TTN: variants seen among roughly 807,000 people sequenced by gnomAD.
TTN encodes titin, also known as connectin.
Under a neutral mutation model 3,223.0 loss-of-function variants are expected in TTN, and 1,525 were observed. That is an observed-to-expected ratio of 0.47 (90% CI 0.45 to 0.49). The LOEUF (loss-of-function observed/expected upper bound fraction) is 0.49. Ranked by LOEUF, TTN falls within the 20% of genes least tolerant of loss-of-function variation. The pLI is 0.00. For synonymous variants in TTN, 14,094 were observed against 15,161.0 expected (o/e 0.93, Z 5.17); for missense variants, 40,786 against 43,424.0 (o/e 0.94, Z 5.40).
In TTN at chr2:178,558,249, A is replaced by G; in HGVS notation, c.87119-14T>C. 2 of 1,596,822 alleles carry G rather than the reference A, an allele frequency of 1.3e-6. No homozygotes were observed. Among genetic ancestry groups the G allele is most frequent in the Non-Finnish European group, 1.7e-6 (2 of 1,175,348 alleles). ...TTTCAGGTGGTTCTGAAAAATGAGTATAGAAAGTGAAAGTGAAAAAGTGTT... is the reference window on the plus strand; with the variant it reads ...TTTCAGGTGGTTCTGAAAAATGAGTGTAGAAAGTGAAAGTGAAAAAGTGTT... On this transcript the variant is annotated splice_polypyrimidine_tract_variant and intron_variant, in intron 327 of 362. Coordinates refer to ENST00000589042, the MANE Select transcript of TTN (RefSeq NM_001267550.2).
In TTN at chr2:178,609,423, C is replaced by T. The variant is rs200456782; in HGVS notation, c.51887G>A (p.Arg17296His). Reference sequence around the variant, plus strand: ...CCTTCTCCTAACCAAGGGTGCTGCACGCTTCTTAATTTCCTCTGGTACAAT... The same window carrying T: ...CCTTCTCCTAACCAAGGGTGCTGCATGCTTCTTAATTTCCTCTGGTACAAT... ...NVIVPEEIKKRAAPLVRRRKG... is the reference protein window; with the variant it reads ...NVIVPEEIKKHAAPLVRRRKG... Residue 17296 changes from arginine (R) to histidine (H), a missense_variant, in exon 273 of 363, where the codon CGT becomes CAT. By Grantham distance (29) the Arg-to-His change is conservative. Transcript: ENST00000589042. The T allele has an allele frequency of 1.8e-4, 291 of 1,612,094 alleles. No homozygotes were observed. The highest frequency in any genetic ancestry group is 7.6e-4 in the East Asian group (34 of 44,562).
At position 178,599,310 on chromosome 2, in the gene TTN, T is replaced by G. The variant is rs71423569; in HGVS notation, c.56483A>C (p.Asn18828Thr). 1 of 1,609,928 alleles carries G rather than the reference T, an allele frequency of 6.2e-7. No individual in the cohort carries two copies. The change falls in exon 290 of 363, where the codon AAC (asparagine) becomes ACC (threonine). Residue 18828 changes from asparagine (N) to threonine (T), a missense_variant. Transcript: ENST00000589042. ...TNYVIEKREA[N>T]RKTWVHVSSE... ...GGAGACATGGACCCATGTCTTCCTGTTAGCTTCTCTTTTCTCAATTACATA... is the reference window on the plus strand; with the variant it reads ...GGAGACATGGACCCATGTCTTCCTGGTAGCTTCTCTTTTCTCAATTACATA...
intron 354 of TTN, 182 bp from the exon 355 acceptor site, chr2:178,538,099 A>G (rs1017533613): frequency 6.3e-5 from 39 of 616,384 alleles, no homozygotes; most frequent in Non-Finnish European, 9.4e-5. Flanking sequence ...TAGGGATTCA[A>G]TGAGCACATC....
Position 178,551,642 on chromosome 2 carries a change from C to A in TTN, c.91258G>T (p.Val30420Phe). 2 of 1,582,652 alleles carry A rather than the reference C, an allele frequency of 1.3e-6. No individual in the cohort carries two copies. The highest frequency in any genetic ancestry group is 1.7e-6 in the Non-Finnish European group (2 of 1,164,102). The change falls in exon 335 of 363, where the codon GTT becomes TTT. Residue 30420 changes from valine to phenylalanine, a missense_variant. Coordinates refer to ENST00000589042, the MANE Select transcript of TTN (RefSeq NM_001267550.2). ...PSDPSKFTLAVSPVDPPGTPD... is the reference protein window; with the variant it reads ...PSDPSKFTLAFSPVDPPGTPD... The stretch of plus-strand genomic sequence containing the variant: ...AATAATCACTTACCTACTGGAGAAA[C>A]AGCTAAGGTAAATTTGCTTGGGTCA...
intron 241 of TTN, among the ~76,000 whole-genome samples, chr2:178,625,065 G>C (rs1173552314): frequency 6.6e-6 from 1 of 151,898 alleles, no homozygotes; most frequent in African/African-American, 2.4e-5. Flanking sequence ...GAGATGGAAG[G>C]AGGAAGTAAA....
At position 178,571,694 on chromosome 2, in the gene TTN, G is replaced by A; in HGVS notation, c.74438C>T (p.Thr24813Ile). Residue 24813 changes from threonine (T) to isoleucine (I), a missense_variant, in exon 326 of 363, where the codon ACT becomes ATT. Thr to Ile is a moderately conservative substitution (Grantham distance 89). Transcript: ENST00000589042. ...CACTTCATCCATTTTAACTGGTCCA[G>A]TTGGAGGCCCTGGTTTGTCAAGAAC... is the stretch of plus-strand genomic sequence containing the variant. ...VIVLDKPGPP[T>I]GPVKMDEVTA... 1 of 1,613,498 alleles carries A rather than the reference G, an allele frequency of 6.2e-7. No homozygotes were observed. Among genetic ancestry groups the A allele is most frequent in the Non-Finnish European group, 8.5e-7 (1 of 1,179,612 alleles).
At position 178,585,094 on chromosome 2, in the gene TTN, C is replaced by G; in HGVS notation, c.64650G>C (p.Gln21550His). 6.2e-7 allele frequency: 1 copy of G among 1,605,600 alleles called. No individual in the cohort carries two copies. Among genetic ancestry groups the G allele is most frequent in the Non-Finnish European group, 8.5e-7 (1 of 1,175,812 alleles). The part of the protein sequence containing the change: ...TAENSSGTDT[Q>H]KIKVVVMDAP... Reference sequence around the variant, plus strand: ...TACCCATGACTACAACTTTGATTTTCTGAGTGTCTGTCCCAGAACTGTTCT... The same window carrying G: ...TACCCATGACTACAACTTTGATTTTGTGAGTGTCTGTCCCAGAACTGTTCT... The change falls in exon 309 of 363, where the codon CAG becomes CAC. Residue 21550 changes from glutamine to histidine, a missense_variant. Gln to His is a conservative substitution (Grantham distance 24, BLOSUM62 0). Coordinates refer to ENST00000589042, the MANE Select transcript of TTN (RefSeq NM_001267550.2).
chr2:178,617,923 T>G lies in TTN; in HGVS notation c.47428A>C (p.Thr15810Pro). The G allele has an allele frequency of 1.2e-6, 2 of 1,612,708 alleles. No homozygotes were observed. Among genetic ancestry groups the G allele is most frequent in the South Asian group, 2.2e-5 (2 of 91,058 alleles). The change falls in exon 253 of 363, where the codon ACT becomes CCT. Residue 15810 changes from threonine (T) to proline (P), a missense_variant. By Grantham distance (38) the Thr-to-Pro change is conservative. Transcript: ENST00000589042. ...GCAGACAGGTCTTCAGCTCTCACAG[T>G]CATGGCAGTATCCCACCTGATAGAA... ...KTSIRWDTAM[T>P]VRAEDLSATV... is the part of the protein sequence containing the mutation.
chr2:178,554,485 T>G lies in TTN; in HGVS notation c.88862A>C (p.Glu29621Ala). ...VNKYGIGEPL[E>A]SDSVVAKNAF... The stretch of plus-strand genomic sequence containing the variant: ...GTTCTTGGCTACAACGGAATCAGAT[T>G]CCAGTGGCTCGCCAATTCCATATTT... Residue 29621 changes from glutamate to alanine, a missense_variant, in exon 332 of 363, where the codon GAA becomes GCA. Coordinates refer to ENST00000589042, the MANE Select transcript of TTN (RefSeq NM_001267550.2). The G allele has an allele frequency of 6.2e-7, 1 of 1,613,552 alleles. No individual in the cohort carries two copies. Among genetic ancestry groups the G allele is most frequent in the African/African-American group, 1.3e-5 (1 of 75,048 alleles).
chr2:178,584,340 T>C lies in TTN; in HGVS notation c.65211A>G (p.Leu21737=). ...GLEYSFRIYA[L]NKAGSSPPSK... ...TGGGTGGGCTGGATCCAGCTTTGTT[T>C]AGGGCATAGATTCTGAATGAATACT... Residue 21737 remains leucine (L), a synonymous_variant, in exon 311 of 363, where the codon CTA becomes CTG. Coordinates refer to ENST00000589042, the MANE Select transcript of TTN (RefSeq NM_001267550.2). 2 of 1,610,006 alleles carry C rather than the reference T, an allele frequency of 1.2e-6. No individual in the cohort carries two copies. Among genetic ancestry groups the C allele is most frequent in the Non-Finnish European group, 1.7e-6 (2 of 1,176,898 alleles).
chr2:178,566,585 C>T lies in TTN; in HGVS notation c.79547G>A (p.Gly26516Asp). The change falls in exon 326 of 363, where the codon GGC becomes GAC. Residue 26516 changes from glycine (G) to aspartate (D), a missense_variant. Transcript: ENST00000589042. ...TACTACATATCCCAAGATCTCACTGCCGCCATCATAGATGGGTTTACCCCA... is the reference window on the plus strand; with the variant it reads ...TACTACATATCCCAAGATCTCACTGTCGCCATCATAGATGGGTTTACCCCA... ...LAWGKPIYDG[G>D]SEILGYVVEI... is the part of the protein sequence containing the mutation. 6.2e-7 allele frequency: 1 copy of T among 1,612,680 alleles called. No homozygotes were observed. Among genetic ancestry groups the T allele is most frequent in the Non-Finnish European group, 8.5e-7 (1 of 1,179,670 alleles).
chr2:178,724,796 T>C, intron 71 of TTN: 1 of 324,252 alleles, frequency 3.1e-6, no homozygotes, highest in Non-Finnish European at 5.5e-6. Flanking sequence ...TAGCAATTAT[T>C]CTTAAGAAAT....
rs1456264938 is a variant in TTN, at chr2:178,777,952, C to G, written c.4232G>C (p.Ser1411Thr). ...RIRSLSPRSVSRSPIRMSPAR... is the reference protein window; with the variant it reads ...RIRSLSPRSVTRSPIRMSPAR... ...AGGAGACATGCGTATAGGAGACCTG[C>G]TCACTGAACGTGGAGAGAGAGATCT... The change falls in exon 25 of 363, where the codon AGC (serine) becomes ACC (threonine). Residue 1411 changes from serine to threonine, a missense_variant. Transcript: ENST00000589042. 1 of 1,613,792 alleles carries G rather than the reference C, an allele frequency of 6.2e-7. No individual in the cohort carries two copies. The highest frequency in any genetic ancestry group is 8.5e-7 in the Non-Finnish European group (1 of 1,179,916).
rs771585130 is a variant in TTN, at chr2:178,543,327, T to G, written c.96646A>C (p.Lys32216Gln). ...PAKLEVVDVTKSTVTLAWEKP... is the reference protein window; with the variant it reads ...PAKLEVVDVTQSTVTLAWEKP... Reference sequence around the variant, plus strand: ...TCCCAGGCAAGGGTAACAGTGGATTTGGTGACATCGACCACTTCTAGCTTT... The same window carrying G: ...TCCCAGGCAAGGGTAACAGTGGATTGGGTGACATCGACCACTTCTAGCTTT... The change falls in exon 347 of 363, where the codon AAA (lysine) becomes CAA (glutamine). Residue 32216 changes from lysine to glutamine, a missense_variant. Physicochemically the swap from Lys to Gln is moderately conservative, Grantham distance 53. Transcript: ENST00000589042. 3 of 1,613,870 alleles carry G rather than the reference T, an allele frequency of 1.9e-6. No individual in the cohort carries two copies. Among genetic ancestry groups the G allele is most frequent in the Non-Finnish European group, 1.7e-6 (2 of 1,179,804 alleles).
Position 178,592,570 on chromosome 2 carries a change from C to G in TTN, c.59435G>C (p.Gly19812Ala). 6.2e-7 allele frequency: 1 copy of G among 1,613,456 alleles called. No individual in the cohort carries two copies. The highest frequency in any genetic ancestry group is 1.1e-5 in the South Asian group (1 of 91,068). The change falls in exon 301 of 363, where the codon GGA (glycine) becomes GCA (alanine). Residue 19812 changes from glycine (G) to alanine (A), a missense_variant. Coordinates refer to ENST00000589042, the MANE Select transcript of TTN (RefSeq NM_001267550.2). The stretch of plus-strand genomic sequence containing the variant: ...CCAAGTTACTTTTGGGAATGGCACT[C>G]CTTTGATGATGGCACTAAGTCTTAG... ...DTLRLSAIIK[G>A]VPFPKVTWKK...
intron 228 of TTN, 32 bp downstream of exon 228, chr2:178,635,133 T>G: frequency 3.7e-6 from 6 of 1,607,092 alleles, no homozygotes; most frequent in South Asian, 1.1e-5. Context: ...TTATTTTATA[T>G]GACTAACAAT....
chr2:178,573,177 C>T lies in TTN; in HGVS notation c.72955G>A (p.Asp24319Asn), dbSNP rs1241907204. ...SPTSPFYKAC[D>N]TVFKPGPPGN... ...GGTGGTCCAGGTTTAAACACAGTGT[C>T]ACAAGCCTTGTAAAATGGACTGGTA... Residue 24319 changes from aspartate (D) to asparagine (N), a missense_variant, in exon 326 of 363, where the codon GAC (aspartate) becomes AAC (asparagine). By Grantham distance (23) the Asp-to-Asn change is conservative (BLOSUM62 1). Coordinates refer to ENST00000589042, the MANE Select transcript of TTN (RefSeq NM_001267550.2). 1 of 1,611,498 alleles carries T rather than the reference C, an allele frequency of 6.2e-7. No individual in the cohort carries two copies. Among genetic ancestry groups the T allele is most frequent in the East Asian group, 2.2e-5 (1 of 44,738 alleles).
rs2093876653 is a variant in TTN, at chr2:178,798,277, C to T, written c.914+1210G>A. Among the ~76,000 whole-genome samples, 3 of 152,042 alleles carry T rather than the reference C, an allele frequency of 2.0e-5. 1 individual carries two copies. Among genetic ancestry groups the T allele is most frequent in the Admixed American group, 1.3e-4 (2 of 15,270 alleles). ...TTTCATTTAAATTGATCAATAAACA[C>T]TTCTTTGCTCAAATTTTGTACATTT... On this transcript the variant is annotated intron_variant, in intron 6 of 362. Transcript: ENST00000589042.
chr2:178,770,051 G>A lies in TTN; in HGVS notation c.8641+9C>T. ...AGGAAAGGGCTGTAGGGGGCTGCCT[G>A]ATACTTACTCTCCACAAACAGTTTT... On this transcript the variant is annotated intron_variant, in intron 36 of 362. Transcript: ENST00000589042. The A allele has an allele frequency of 1.9e-6, 3 of 1,614,168 alleles. No homozygotes were observed. Among genetic ancestry groups the A allele is most frequent in the Non-Finnish European group, 2.5e-6 (3 of 1,180,010 alleles).
Sources: gnomAD v4.1 joint callset for allele counts (sites outside exome capture counted in the v4.1 genomes callset) on GRCh38, gnomAD v4.1.1 for gene constraint, MANE v1.5 for transcripts, NCBI Gene and HGNC (gene_info 2026-07-23, HGNC 2026-07-21) for gene names.